Variants in PRTG observed in about 807,000 individuals in gnomAD.
PRTG encodes immunoglobulin superfamily, DCC subclass, member 5.
A neutral mutation model predicts 122.5 loss-of-function variants in PRTG; 67 were observed. That is an observed-to-expected ratio of 0.55 (90% CI 0.45 to 0.67). The LOEUF is 0.67. Ranked by LOEUF, PRTG falls within the 30% of genes least tolerant of loss-of-function variation. The pLI is 0.00. For missense variants in PRTG, 1,435 were observed against 1,415.4 expected, an observed-to-expected ratio of 1.01 and a Z score of -0.22; for synonymous variants, 554 against 501.1, an observed-to-expected ratio of 1.11 and a Z score of -1.41.
chr15:55,638,166 A>G (rs974619981), intron 14 of PRTG, among the ~76,000 whole-genome samples: 3 of 152,240 alleles, frequency 2.0e-5, no homozygotes, highest in Non-Finnish European at 4.4e-5. Flanking sequence ...CACTGTGCAC[A>G]CTATCAAGCT....
In PRTG at chr15:55,708,148, T is replaced by TAAAAAAAA. The variant is rs35216342; in HGVS notation, c.398-24225_398-24218dup. The stretch of plus-strand genomic sequence containing the variant: ...CCTGTGGAAAGGAGGAGTAAGCTGG[T>TAAAAAAAA]AAAAAAAAAAAAAAAAAAAAAAAAA... On this transcript the variant is annotated intron_variant, in intron 2 of 19. Transcript: ENST00000389286. Among the ~76,000 whole-genome samples the TAAAAAAAA allele has an allele frequency of 1.4e-3, 98 of 70,018 alleles. 15 individuals carry two copies. Among genetic ancestry groups the TAAAAAAAA allele is most frequent in the South Asian group, 3.4e-3 (10 of 2,952 alleles). The allele number at this position is 70,018 out of a possible 152,430, so 45.9% of individuals were successfully genotyped here.
intron 2 of PRTG, among the ~76,000 whole-genome samples, chr15:55,733,536 G>C (rs1182109248): frequency 2.5e-5 from 3 of 122,446 alleles, no homozygotes; most frequent in African/African-American, 9.8e-5. Flanking sequence ...AAAAAAAAAA[G>C]TAAACGGAGC....
At chr15:55,691,861 C>T (rs945169562) in intron 2 of PRTG, among the ~76,000 whole-genome samples, 4 of 151,520 alleles carry the variant, frequency 2.6e-5, no homozygotes, top group South Asian at 2.1e-4. Context: ...GGCGAGACCC[C>T]GTCTCTACAA....
Position 55,640,191 on chromosome 15 carries a change from A to G in PRTG, c.2138-363T>C, listed in dbSNP as rs114326386. On this transcript the variant is annotated intron_variant, in intron 12 of 19. Transcript: ENST00000389286. ...TACAGCCTATCACCCATAGGCTATA[A>G]AACTGTATAGCATGATATTGTACTA... Among the ~76,000 whole-genome samples, 487 of 152,318 alleles carry G rather than the reference A, an allele frequency of 3.2e-3. 4 individuals are homozygous for G. The highest frequency in any genetic ancestry group is 0.011 in the African/African-American group (465 of 41,560).
chr15:55,692,424 C>T (rs139360374), intron 2 of PRTG, among the ~76,000 whole-genome samples: 4 of 151,974 alleles, frequency 2.6e-5, no homozygotes, highest in African/African-American at 7.3e-5. Flanking sequence ...CAGGGGAGAC[C>T]GAGGAAAGGA....
chr15:55,617,077 AC>A lies in PRTG; in HGVS notation c.*2934del, dbSNP rs2059144833. ...AAGTACAATACCATGAAGTAATACC[AC>A]TATGAAAAATGAGTGAAAATCTTCA... On this transcript the variant is annotated 3_prime_UTR_variant, in exon 20 of 20. Coordinates refer to ENST00000389286, the MANE Select transcript of PRTG (RefSeq NM_173814.6). 2 of 152,174 alleles carry A rather than the reference AC, an allele frequency of 1.3e-5. No homozygotes were observed. Among genetic ancestry groups the A allele is most frequent in the Non-Finnish European group, 2.9e-5 (2 of 67,986 alleles). 9.4% of individuals were successfully genotyped at this position (152,174 alleles called of 1,614,324 possible).
intron 11 of PRTG, among the ~76,000 whole-genome samples, chr15:55,649,088 C>CA (rs11481493): frequency 0.4 from 54,139 of 136,146 alleles, 13,025 homozygotes; most frequent in Non-Finnish European, 0.55. Context: ...GACTCCGTCT[C>CA]AAAAAAAAAA....
intron 11 of PRTG, among the ~76,000 whole-genome samples, chr15:55,658,206 C>T (rs2059390683): frequency 6.6e-6 from 1 of 152,192 alleles, no homozygotes; most frequent in South Asian, 2.1e-4. Context: ...TGTTAAACCT[C>T]AGTAGCTAAA....
chr15:55,622,340 C>T (rs947900113), intron 18 of PRTG, among the ~76,000 whole-genome samples: 4 of 151,182 alleles, frequency 2.6e-5, no homozygotes, highest in Non-Finnish European at 4.4e-5. Flanking sequence ...GCCTCAGCCT[C>T]CCGAGTAGCT....
chr15:55,650,795 G>A (rs1036489300), intron 11 of PRTG, among the ~76,000 whole-genome samples: 3 of 151,912 alleles, frequency 2.0e-5, no homozygotes, highest in East Asian at 1.9e-4. Flanking sequence ...CAAAGCCCCC[G>A]TCCCTACAAA....
At chr15:55,719,812 A>G (rs779105118) in intron 2 of PRTG, among the ~76,000 whole-genome samples, 27 of 152,166 alleles carry the variant, frequency 1.8e-4, no homozygotes, top group Non-Finnish European at 2.9e-4. Flanking sequence ...TAAACCCAGC[A>G]CTTTCGGAGG....
intron 18 of PRTG, among the ~76,000 whole-genome samples, chr15:55,624,130 T>A (rs2059181333): frequency 6.6e-6 from 1 of 152,156 alleles, no homozygotes; most frequent in Non-Finnish European, 1.5e-5. Flanking sequence ...ATATGCTATA[T>A]ATTATGGCAT....
intron 11 of PRTG, among the ~76,000 whole-genome samples, chr15:55,647,780 C>T (rs578197049): frequency 2.0e-5 from 3 of 152,284 alleles, no homozygotes; most frequent in Non-Finnish European, 4.4e-5. Context: ...GATCTCTGTT[C>T]GTTCATACAA....
At chr15:55,687,801 A>T (rs911127736) in intron 2 of PRTG, among the ~76,000 whole-genome samples, 1 of 152,224 alleles carries the variant, frequency 6.6e-6, no homozygotes, top group African/African-American at 2.4e-5. Flanking sequence ...CACTGGCAAA[A>T]TAGTTTCGTG....
In PRTG at chr15:55,742,906, G is replaced by T. The variant is rs1208754579; in HGVS notation, c.26C>A (p.Ala9Asp). 2.0e-6 allele frequency: 3 copies of T among 1,528,536 alleles called. No individual in the cohort carries two copies. The South Asian group carries it at 3.6e-5, about 18-fold the overall frequency. The allele number at this position is 1,528,536 out of a possible 1,614,324, so 94.7% of individuals were successfully genotyped here. Residue 9 changes from alanine to aspartate, a missense_variant, in exon 1 of 20, where the codon GCC becomes GAC. Ala to Asp is a moderately radical substitution (Grantham distance 126). Transcript: ENST00000389286. Reference protein sequence around the residue: MAPPLRPLARLRPPGMLLR... With the variant: MAPPLRPLDRLRPPGMLLR... Reference sequence around the variant, plus strand: ...CAGCATCCCCGGCGGTCGCAGCCGGGCGAGGGGTCGCAGAGGAGGCGCCAT... The same window carrying T: ...CAGCATCCCCGGCGGTCGCAGCCGGTCGAGGGGTCGCAGAGGAGGCGCCAT...
chr15:55,725,194 C>T (rs1036966822), intron 2 of PRTG, among the ~76,000 whole-genome samples: 4 of 152,028 alleles, frequency 2.6e-5, no homozygotes, highest in African/African-American at 7.2e-5. Context: ...TGCAAAAATT[C>T]GCATACTACT....
intron 2 of PRTG, among the ~76,000 whole-genome samples, chr15:55,723,740 CTTTTCTT>C (rs2030917277): frequency 7.2e-6 from 1 of 139,238 alleles, no homozygotes; most frequent in South Asian, 2.3e-4. Context: ...TAGCCATATT[CTTTTCTT>C]TTTTCTTTTT....
chr15:55,619,206 C>T lies in PRTG; in HGVS notation c.*806G>A, dbSNP rs1464211643. On this transcript the variant is annotated 3_prime_UTR_variant, in exon 20 of 20. Transcript: ENST00000389286. ...AGATAAAGCACTCAGACTCTAATGC[C>T]CAAAACATAAAGGCCTTTTAAGCAA... The T allele has an allele frequency of 6.6e-6, 1 of 152,016 alleles. No homozygotes were observed. The highest frequency in any genetic ancestry group is 1.5e-5 in the Non-Finnish European group (1 of 68,014). The allele number at this position is 152,016 out of a possible 1,614,324, so 9.4% of individuals were successfully genotyped here. A position where few individuals can be genotyped will look rare whatever the true frequency, so the allele number is the denominator to read the frequency against.
At chr15:55,736,064 C>G (rs1364593856) in intron 2 of PRTG, among the ~76,000 whole-genome samples, 1 of 152,128 alleles carries the variant, frequency 6.6e-6, no homozygotes, top group Non-Finnish European at 1.5e-5. Context: ...ATCAACTGAA[C>G]CTTATCTACA....
Sources: allele counts gnomAD v4.1 joint callset (sites outside exome capture counted in the v4.1 genomes callset), GRCh38; gene constraint gnomAD v4.1.1; transcripts MANE v1.5; gene names NCBI Gene and HGNC (gene_info 2026-07-23, HGNC 2026-07-21).